The following PTPRD variants were observed in gnomAD, a reference collection of about 807,000 sequenced individuals.
The protein encoded by PTPRD is receptor-type tyrosine-protein phosphatase delta.
Under a neutral mutation model 214.5 loss-of-function variants are expected in PTPRD, and 34 were observed. That is an observed-to-expected ratio of 0.16 (90% confidence interval 0.12 to 0.21). The LOEUF is 0.21. Ranked by LOEUF, PTPRD falls within the 10% of genes least tolerant of loss-of-function variation. The pLI, the probability that PTPRD is intolerant of heterozygous loss-of-function variation, is 1.00. For missense variants in PTPRD, 2,545 were observed against 2,398.7 expected (o/e 1.06, Z -1.27); for synonymous variants, 1,128 against 845.7 (o/e 1.33, Z -5.79).
intron 11 of PTPRD, among the ~76,000 whole-genome samples, chr9:8,852,382 T>C (rs920814752): frequency 2.6e-5 from 4 of 152,242 alleles, no homozygotes; most frequent in South Asian, 2.1e-4. Flanking sequence ...GACATTGTTA[T>C]CTGAATGTCA....
intron 39 of PTPRD, among the ~76,000 whole-genome samples, chr9:8,375,181 G>C (rs1402628201): frequency 6.6e-6 from 1 of 151,960 alleles, no homozygotes; most frequent in Non-Finnish European, 1.5e-5. Flanking sequence ...CAGATAGCTT[G>C]AGTAGTCTGC....
chr9:9,684,303 C>A (rs867882168), intron 7 of PTPRD, among the ~76,000 whole-genome samples: 1 of 151,674 alleles, frequency 6.6e-6, no homozygotes, highest in Non-Finnish European at 1.5e-5. Context: ...CACCATGACA[C>A]TCTAATATGT....
chr9:9,019,359 A>T (rs898926800), intron 10 of PTPRD, among the ~76,000 whole-genome samples: 8 of 149,528 alleles, frequency 5.4e-5, no homozygotes, highest in Non-Finnish European at 8.9e-5. Context: ...AAAGAAAGAA[A>T]GAATCTGAAT....
At chr9:8,929,755 A>ATATATATATG in intron 11 of PTPRD, among the ~76,000 whole-genome samples, 1 of 58,096 alleles carries the variant, frequency 1.7e-5, no homozygotes, top group South Asian at 5.3e-4. Flanking sequence ...GTATATATAT[A>ATATATATATG]TGTATATATA....
chr9:10,337,375 A>G (rs2096861994), intron 3 of PTPRD, among the ~76,000 whole-genome samples: 1 of 151,874 alleles, frequency 6.6e-6, no homozygotes, highest in East Asian at 1.9e-4. Flanking sequence ...GATTTATACC[A>G]AATGGATTTA....
chr9:9,985,378 C>A (rs1453570736), intron 4 of PTPRD, among the ~76,000 whole-genome samples: 1 of 152,102 alleles, frequency 6.6e-6, no homozygotes, highest in African/African-American at 2.4e-5. Context: ...TTTTTTTAGA[C>A]CTCTCCATTC....
At chr9:9,323,335 C>T (rs1245910308) in intron 9 of PTPRD, among the ~76,000 whole-genome samples, 1 of 152,062 alleles carries the variant, frequency 6.6e-6, no homozygotes, top group Non-Finnish European at 1.5e-5. Flanking sequence ...ATCTTTTTTA[C>T]TTATCATCTA....
At chr9:8,343,856 G>T (rs34398376) in intron 39 of PTPRD, among the ~76,000 whole-genome samples, 1,660 of 152,104 alleles carry the variant, frequency 0.011, 20 homozygotes, top group African/African-American at 0.039. Flanking sequence ...TGAGCAGCCC[G>T]TCCCGGTAAG....
intron 7 of PTPRD, among the ~76,000 whole-genome samples, chr9:9,597,066 C>T (rs950847782): frequency 1.3e-5 from 2 of 151,864 alleles, no homozygotes; most frequent in African/African-American, 4.8e-5. Flanking sequence ...GTAAGAAGTT[C>T]CCAGTAGTCA....
At chr9:9,731,463 T>A (rs766132648) in intron 7 of PTPRD, among the ~76,000 whole-genome samples, 2 of 30,116 alleles carry the variant, frequency 6.6e-5, no homozygotes, top group Non-Finnish European at 1.3e-4. Flanking sequence ...AAATTTAAGG[T>A]TTTTTTTTAA....
At chr9:10,396,650 C>T (rs907706204) in intron 2 of PTPRD, among the ~76,000 whole-genome samples, 3 of 152,018 alleles carry the variant, frequency 2.0e-5, no homozygotes, top group East Asian at 1.9e-4. Flanking sequence ...GATGGAAATA[C>T]GAGTAAAGCA....
At chr9:8,994,530 A>T (rs1045675708) in intron 11 of PTPRD, among the ~76,000 whole-genome samples, 3 of 152,132 alleles carry the variant, frequency 2.0e-5, no homozygotes, top group Non-Finnish European at 1.5e-5. Flanking sequence ...ATTTGAGAAT[A>T]TGAAATAATT....
At chr9:9,595,550 T>TTGTG (rs58995675) in intron 7 of PTPRD, among the ~76,000 whole-genome samples, 86 of 147,416 alleles carry the variant, frequency 5.8e-4, no homozygotes, top group African/African-American at 2.0e-3. Flanking sequence ...GTATGTGTGT[T>TTGTG]TGTGTGTGTG....
Position 8,835,524 on chromosome 9 carries a change from C to CTT in PTPRD, c.-103-101580_-103-101579dup, listed in dbSNP as rs557808137. Among the ~76,000 whole-genome samples the CTT allele has an allele frequency of 4.9e-4, 74 of 152,110 alleles. 1 individual carries two copies. The highest frequency in any genetic ancestry group is 8.4e-4 in the Non-Finnish European group (57 of 67,972). ...CAGCCCTTTGCCCTGACAAGTTTTACTTTTGTTTTGTTGTTGTTGCTGTTG... is the reference window on the plus strand; with the variant it reads ...CAGCCCTTTGCCCTGACAAGTTTTACTTTTTTGTTTTGTTGTTGTTGCTGTTG... On this transcript the variant is annotated intron_variant, in intron 11 of 45. Transcript: ENST00000381196.
intron 7 of PTPRD, among the ~76,000 whole-genome samples, chr9:9,626,672 G>A (rs1041606186): frequency 6.6e-6 from 1 of 152,156 alleles, no homozygotes; most frequent in Non-Finnish European, 1.5e-5. Context: ...CACAAGTACT[G>A]TACATATAAT....
chr9:9,325,087 T>G (rs1201999157), intron 9 of PTPRD, among the ~76,000 whole-genome samples: 1 of 152,194 alleles, frequency 6.6e-6, no homozygotes, highest in East Asian at 1.9e-4. Context: ...CTGTTTTGGT[T>G]ACTGTAGCCT....
chr9:8,357,811 A>G (rs1329128964), intron 39 of PTPRD, among the ~76,000 whole-genome samples: 4 of 152,146 alleles, frequency 2.6e-5, no homozygotes, highest in Admixed American at 1.3e-4. Flanking sequence ...AATACTAGGC[A>G]TAATGCTAAT....
chr9:9,639,133 G>C (rs1175379941), intron 7 of PTPRD, among the ~76,000 whole-genome samples: 1 of 152,112 alleles, frequency 6.6e-6, no homozygotes, highest in Non-Finnish European at 1.5e-5. Context: ...AGTTTTATGA[G>C]TTAATAATTA....
chr9:9,161,235 T>C (rs2099887935), intron 10 of PTPRD, among the ~76,000 whole-genome samples: 1 of 152,164 alleles, frequency 6.6e-6, no homozygotes, highest in Non-Finnish European at 1.5e-5. Context: ...ATAGGTATGT[T>C]AATTAGCTTG....
Sources: gnomAD v4.1 joint callset for allele counts (sites outside exome capture counted in the v4.1 genomes callset) on GRCh38, gnomAD v4.1.1 for gene constraint, MANE v1.5 for transcripts, NCBI Gene and HGNC (gene_info 2026-07-23, HGNC 2026-07-21) for gene names.